Variants in FGGY observed in about 807,000 individuals in gnomAD.
The protein encoded by FGGY is FGGY carbohydrate kinase domain containing, also known as FGGY carbohydrate kinase domain-containing protein.
FGGY carries 72 observed loss-of-function variants against 71.3 expected under a neutral mutation model. That is an observed-to-expected ratio of 1.01 (90% CI 0.84 to 1.23). The LOEUF is 1.23. Ranked by LOEUF, FGGY falls within the 50% of genes most tolerant of loss-of-function variation. FGGY has a pLI of 0.00. For missense variants in FGGY, 668 were observed against 682.3 expected (o/e 0.98, Z 0.23); for synonymous variants, 251 against 250.3 (o/e 1.00, Z -0.02).
chr1:59,400,833 G>C (rs543635464), intron 5 of FGGY, among the ~76,000 whole-genome samples: 5 of 152,016 alleles, frequency 3.3e-5, no homozygotes, highest in African/African-American at 1.2e-4. Flanking sequence ...GTGCAGTGGC[G>C]TGATCATGGC....
chr1:59,532,008 A>G (rs1372403806), intron 7 of FGGY, among the ~76,000 whole-genome samples: 1 of 152,226 alleles, frequency 6.6e-6, no homozygotes, highest in East Asian at 1.9e-4. Flanking sequence ...ATAAGCATGT[A>G]AAATATGAAT....
intron 8 of FGGY, among the ~76,000 whole-genome samples, chr1:59,576,505 C>T (rs2096077452): frequency 6.6e-6 from 1 of 152,060 alleles, no homozygotes; most frequent in Non-Finnish European, 1.5e-5. Context: ...CACCATGGCA[C>T]ATGTATACTT....
At chr1:59,493,100 C>CAA (rs2093924355) in intron 6 of FGGY, among the ~76,000 whole-genome samples, 2 of 143,052 alleles carry the variant, frequency 1.4e-5, no homozygotes, top group Admixed American at 1.4e-4. Flanking sequence ...AAACAAAACA[C>CAA]ACACACACAC....
intron 14 of FGGY, among the ~76,000 whole-genome samples, chr1:59,724,542 A>C (rs1199730557): frequency 1.3e-5 from 2 of 151,294 alleles, no homozygotes; most frequent in Non-Finnish European, 2.9e-5. Context: ...CTTTTTTCCC[A>C]ACTCCTTGAC....
At chr1:59,433,124 A>G (rs965107059) in intron 5 of FGGY, among the ~76,000 whole-genome samples, 2 of 152,178 alleles carry the variant, frequency 1.3e-5, no homozygotes, top group African/African-American at 4.8e-5. Flanking sequence ...CCTTGGCACC[A>G]TTGACATTTT....
intron 7 of FGGY, among the ~76,000 whole-genome samples, chr1:59,547,422 C>T (rs1240752986): frequency 1.3e-5 from 2 of 152,150 alleles, no homozygotes; most frequent in Non-Finnish European, 2.9e-5. Flanking sequence ...GAACTAGCTT[C>T]TGTGAACTCC....
intron 6 of FGGY, among the ~76,000 whole-genome samples, chr1:59,459,363 A>G (rs1430873292): frequency 6.6e-6 from 1 of 152,188 alleles, no homozygotes; most frequent in Non-Finnish European, 1.5e-5. Context: ...TCTTTCAAGG[A>G]GGTATTTGGA....
intron 5 of FGGY, among the ~76,000 whole-genome samples, chr1:59,388,421 G>A (rs534730322): frequency 2.0e-4 from 31 of 152,158 alleles, no homozygotes; most frequent in Non-Finnish European, 4.4e-4. Context: ...AGGATGGGGT[G>A]CAAAGTCAAC....
At chr1:59,699,477 A>G (rs2097692194) in intron 14 of FGGY, 2 of 853,026 alleles carry the variant, frequency 2.3e-6, no homozygotes, top group Middle Eastern at 5.9e-4. Context: ...AATCTCAAAA[A>G]CAACCCCTCT....
intron 4 of FGGY, among the ~76,000 whole-genome samples, chr1:59,372,713 G>T (rs531513739): frequency 6.6e-6 from 1 of 152,162 alleles, no homozygotes; most frequent in Non-Finnish European, 1.5e-5. Context: ...TATCCACCAT[G>T]ATCAAGTGGC....
chr1:59,624,242 C>T (rs1380456852), intron 9 of FGGY, among the ~76,000 whole-genome samples: 2 of 151,954 alleles, frequency 1.3e-5, no homozygotes, highest in African/African-American at 2.4e-5. Flanking sequence ...GACAATATGA[C>T]GTGGTGGTTA....
At chr1:59,711,096 G>A (rs112526622) in intron 14 of FGGY, among the ~76,000 whole-genome samples, 35 of 152,254 alleles carry the variant, frequency 2.3e-4, no homozygotes, top group African/African-American at 8.2e-4. Context: ...ATACACAATG[G>A]AATACTATGC....
chr1:59,419,268 A>C (rs2065013225), intron 5 of FGGY, among the ~76,000 whole-genome samples: 1 of 152,038 alleles, frequency 6.6e-6, no homozygotes, highest in African/African-American at 2.4e-5. Flanking sequence ...TTGTGAAAAG[A>C]ATATTGGAGG....
intron 6 of FGGY, among the ~76,000 whole-genome samples, chr1:59,483,711 T>A (rs1334287910): frequency 2.6e-5 from 4 of 152,168 alleles, no homozygotes; most frequent in Non-Finnish European, 5.9e-5. Flanking sequence ...AAAATTTGCA[T>A]TTTCATTTTT....
chr1:59,611,500 C>T (rs555557650), intron 9 of FGGY, among the ~76,000 whole-genome samples: 31 of 152,220 alleles, frequency 2.0e-4, no homozygotes, highest in African/African-American at 6.7e-4. Context: ...CCAATCTGTA[C>T]GTCACCATCA....
intron 5 of FGGY, among the ~76,000 whole-genome samples, chr1:59,396,269 G>A (rs978628853): frequency 6.6e-6 from 1 of 152,076 alleles, no homozygotes; most frequent in Non-Finnish European, 1.5e-5. Context: ...TCTCACTTTT[G>A]CATACTCCTG....
At position 59,358,271 on chromosome 1, in the gene FGGY, C is replaced by T. The variant is rs181066735; in HGVS notation, c.465+11873C>T. On this transcript the variant is annotated intron_variant, in intron 4 of 15. Transcript: ENST00000303721. Reference sequence around the variant, plus strand: ...TTCTCTGAACACCTGGGCTGTTTTACTTTCTTTTTTCCTATTATCCAAAGT... The same window carrying T: ...TTCTCTGAACACCTGGGCTGTTTTATTTTCTTTTTTCCTATTATCCAAAGT... Among the ~76,000 whole-genome samples the T allele has an allele frequency of 6.0e-4, 92 of 152,252 alleles. No homozygotes were observed. In the East Asian group the frequency reaches 0.015, roughly 25 times the overall value.
chr1:59,459,703 C>A (rs1184498761), intron 6 of FGGY, among the ~76,000 whole-genome samples: 1 of 152,188 alleles, frequency 6.6e-6, no homozygotes, highest in Non-Finnish European at 1.5e-5. Context: ...AGGAAGAGAT[C>A]AGCAGGGAGA....
chr1:59,590,507 A>G (rs2096410029), intron 8 of FGGY, among the ~76,000 whole-genome samples: 1 of 152,336 alleles, frequency 6.6e-6, no homozygotes, highest in African/African-American at 2.4e-5. Flanking sequence ...TTAGACCAAT[A>G]TCCTTGATGA....
Sources: gnomAD v4.1 joint callset for allele counts (sites outside exome capture counted in the v4.1 genomes callset) on GRCh38, gnomAD v4.1.1 for gene constraint, MANE v1.5 for transcripts, NCBI Gene and HGNC (gene_info 2026-07-23, HGNC 2026-07-21) for gene names.